RNF38: variants seen among roughly 807,000 people sequenced by gnomAD.
The protein encoded by RNF38 is E3 ubiquitin-protein ligase RNF38.
A neutral mutation model predicts 67.2 loss-of-function variants in RNF38; 15 were observed. The ratio of observed to expected loss-of-function variants is 0.22; its 90% CI spans 0.15 to 0.34. The LOEUF is 0.34. RNF38 is among the 10% of genes least tolerant of loss of function. The pLI, the probability that RNF38 is intolerant of heterozygous loss-of-function variation, is 1.00. For missense variants in RNF38, 524 were observed against 639.9 expected, an observed-to-expected ratio of 0.82 and a Z score of 1.95; for synonymous variants, 220 against 218.8, an observed-to-expected ratio of 1.01 and a Z score of -0.05.
intron 4 of RNF38, among the ~76,000 whole-genome samples, chr9:36,369,508 T>G (rs567786457): frequency 6.6e-6 from 1 of 152,304 alleles, no homozygotes; most frequent in Non-Finnish European, 1.5e-5. Flanking sequence ...TGAGCCACCG[T>G]GCTGGGCCGA....
At chr9:36,356,799 GT>G (rs1324647055) in intron 5 of RNF38, among the ~76,000 whole-genome samples, 9 of 152,010 alleles carry the variant, frequency 5.9e-5, no homozygotes, top group Admixed American at 5.9e-4. Flanking sequence ...TCTCTAGTTG[GT>G]TTAAGATGTA....
rs183401108 is a variant in RNF38 at position 36,482,076 on chromosome 9, G to A, written n.241+5232C>T. On this transcript the variant is annotated intron_variant and non_coding_transcript_variant, in intron 1 of 3. Coordinates refer to the RNF38 transcript ENST00000488058. ...TTTTTTTTTTTTTTTTTTTTGAGAC[G>A]AAGTTTCGCTCTTGTTGCCCAGGCT... Among the ~76,000 whole-genome samples, 13 of 128,174 alleles carry A rather than the reference G, an allele frequency of 1.0e-4. 1 individual carries two copies. The East Asian group carries it at 2.0e-3, about 19-fold the overall frequency. The allele number at this position is 128,174 out of a possible 152,430, so 84.1% of individuals were successfully genotyped here.
intron 1 of RNF38, among the ~76,000 whole-genome samples, chr9:36,394,314 A>G (rs1307867586): frequency 2.0e-5 from 3 of 152,152 alleles, no homozygotes; most frequent in Non-Finnish European, 4.4e-5. Context: ...CCTGCAAGGT[A>G]AGACCCTGGG....
chr9:36,451,491 GTTTTTTTT>G (rs374396585), intron 1 of RNF38, among the ~76,000 whole-genome samples: 163 of 58,684 alleles, frequency 2.8e-3, no homozygotes, highest in African/African-American at 9.9e-3. Context: ...AATTGTAGTA[GTTTTTTTT>G]TTTTTTTTTT....
intron 1 of RNF38, among the ~76,000 whole-genome samples, chr9:36,463,943 G>A (rs1002081305): frequency 3.9e-5 from 6 of 152,014 alleles, no homozygotes; most frequent in African/African-American, 9.7e-5. Flanking sequence ...CGAGGCGGGC[G>A]GATCACGAGG....
At chr9:36,418,191 G>A (rs921827605) in intron 2 of RNF38, among the ~76,000 whole-genome samples, 1 of 151,886 alleles carries the variant, frequency 6.6e-6, no homozygotes. Context: ...ACTAGGCCCA[G>A]CTAATTTTGT....
chr9:36,360,901 C>A (rs1834479404), intron 4 of RNF38, among the ~76,000 whole-genome samples: 1 of 152,096 alleles, frequency 6.6e-6, no homozygotes. Context: ...GCCTCAATCT[C>A]CTGGGGCTCA....
chr9:36,347,295 TAA>T (rs941993017), intron 9 of RNF38, among the ~76,000 whole-genome samples: 105 of 152,282 alleles, frequency 6.9e-4, no homozygotes, highest in African/African-American at 2.5e-3. Flanking sequence ...TCTTACAGTA[TAA>T]AGACTACACA....
intron 9 of RNF38, among the ~76,000 whole-genome samples, chr9:36,348,989 G>T (rs1029178350): frequency 6.6e-6 from 1 of 152,216 alleles, no homozygotes; most frequent in East Asian, 1.9e-4. Context: ...AACACAGCTG[G>T]TGACTGTAGG....
At chr9:36,438,278 A>G (rs985810830) in intron 1 of RNF38, among the ~76,000 whole-genome samples, 1 of 152,158 alleles carries the variant, frequency 6.6e-6, no homozygotes, top group Non-Finnish European at 1.5e-5. Flanking sequence ...GTAGTCCAAG[A>G]TTCTCAAAAG....
At chr9:36,379,100 G>A (rs1836009439) in intron 2 of RNF38, among the ~76,000 whole-genome samples, 1 of 152,024 alleles carries the variant, frequency 6.6e-6, no homozygotes, top group South Asian at 2.1e-4. Context: ...GGGTTTCTCT[G>A]TGTTGGTCAG....
At chr9:36,484,408 T>C (rs1840351471) in intron 1 of RNF38, among the ~76,000 whole-genome samples, 1 of 152,206 alleles carries the variant, frequency 6.6e-6, no homozygotes, top group African/African-American at 2.4e-5. Flanking sequence ...AGGTCCATTA[T>C]TATGAAACAA....
chr9:36,465,430 TC>T (rs1312710170), intron 1 of RNF38, among the ~76,000 whole-genome samples: 1 of 152,182 alleles, frequency 6.6e-6, no homozygotes, highest in Non-Finnish European at 1.5e-5. Flanking sequence ...CACTGCAACT[TC>T]CACTACCCAG....
At chr9:36,355,358 T>C (rs1250108302) in intron 6 of RNF38, among the ~76,000 whole-genome samples, 1 of 152,184 alleles carries the variant, frequency 6.6e-6, no homozygotes, top group African/African-American at 2.4e-5. Context: ...AACTGGACCT[T>C]TTTTCCTGTG....
At chr9:36,425,548 G>T (rs965523101) in intron 1 of RNF38, among the ~76,000 whole-genome samples, 1 of 152,078 alleles carries the variant, frequency 6.6e-6, no homozygotes, top group Non-Finnish European at 1.5e-5. Context: ...ACAAAAATTA[G>T]CCACGCGTGG....
chr9:36,368,265 T>C (rs957821660), intron 4 of RNF38, among the ~76,000 whole-genome samples: 6 of 152,212 alleles, frequency 3.9e-5, no homozygotes, highest in Non-Finnish European at 8.8e-5. Context: ...GTTATTTACA[T>C]ATGTAATGTT....
intron 1 of RNF38, among the ~76,000 whole-genome samples, chr9:36,395,838 G>A (rs931717863): frequency 3.3e-5 from 5 of 152,068 alleles, no homozygotes; most frequent in African/African-American, 4.8e-5. Context: ...GTAAAATTAC[G>A]GTACACTTGC....
At chr9:36,401,294 C>T (rs1838020284), upstream of RNF38, 15 of 890,188 alleles carry the variant, frequency 1.7e-5, no homozygotes, top group Non-Finnish European at 1.9e-5. Context: ...CACTGCGCAG[C>T]CCCGCCCCAG....
intron 9 of RNF38, among the ~76,000 whole-genome samples, chr9:36,346,924 C>G (rs907792906): frequency 6.6e-6 from 1 of 151,978 alleles, no homozygotes; most frequent in Non-Finnish European, 1.5e-5. Flanking sequence ...TTGAGACCCA[C>G]CTGGTCAACA....
Sources: gnomAD v4.1 joint callset for allele counts (sites outside exome capture counted in the v4.1 genomes callset) on GRCh38, gnomAD v4.1.1 for gene constraint, MANE v1.5 for transcripts, NCBI Gene and HGNC (gene_info 2026-07-23, HGNC 2026-07-21) for gene names.